WIF1: variants seen among roughly 807,000 people sequenced by gnomAD.
The protein encoded by WIF1 is Wnt inhibitory factor 1.
Under a neutral mutation model 53.5 loss-of-function variants are expected in WIF1, and 35 were observed. That is an observed-to-expected ratio of 0.65 (90% CI 0.50 to 0.87). The LOEUF (loss-of-function observed/expected upper bound fraction) is 0.87, where lower values mean the gene tolerates loss of function less well. Among genes scored for constraint, WIF1 ranks in the 40% least tolerant of loss-of-function variants. WIF1 has a pLI of 0.00. For synonymous variants in WIF1, 171 were observed against 170.4 expected (o/e 1.00, Z -0.03); for missense variants, 467 against 476.8 (o/e 0.98, Z 0.19).
chr12:65,072,493 A>G (rs1882799425), intron 3 of WIF1, among the ~76,000 whole-genome samples: 1 of 152,202 alleles, frequency 6.6e-6, no homozygotes, highest in African/African-American at 2.4e-5. Flanking sequence ...TTGTTTTTGT[A>G]ATCTCAGCAT....
intron 7 of WIF1, among the ~76,000 whole-genome samples, chr12:65,060,526 G>A (rs1487743099): frequency 2.0e-5 from 3 of 152,152 alleles, no homozygotes; most frequent in Non-Finnish European, 4.4e-5. Context: ...TAGCTTAGTG[G>A]TTGCCAGTGT....
rs1882433909 is a variant in WIF1 at position 65,051,148 on chromosome 12, A to C, written c.*201T>G. ...ATCTGTCCCAAAGCACTGAAACAAGAAAATCTATACCATCATGCTACAGAC... is the reference window on the plus strand; with the variant it reads ...ATCTGTCCCAAAGCACTGAAACAAGCAAATCTATACCATCATGCTACAGAC... On this transcript the variant is annotated 3_prime_UTR_variant, in exon 10 of 10. Transcript: ENST00000286574. The C allele has an allele frequency of 1.8e-6, 1 of 557,474 alleles. No homozygotes were observed. Among genetic ancestry groups the C allele is most frequent in the South Asian group, 5.1e-5 (1 of 19,798 alleles). The allele number at this position is 557,474 out of a possible 1,614,324, so 34.5% of individuals were successfully genotyped here. A position where few individuals can be genotyped will look rare whatever the true frequency, so the allele number is the denominator to read the frequency against.
chr12:65,090,306 A>C (rs990192986), intron 2 of WIF1, among the ~76,000 whole-genome samples: 4 of 152,078 alleles, frequency 2.6e-5, no homozygotes, highest in African/African-American at 9.7e-5. Flanking sequence ...TAACTCTACT[A>C]TTTACTAGCT....
At chr12:65,114,220 A>T (rs953735035) in intron 2 of WIF1, among the ~76,000 whole-genome samples, 1 of 152,014 alleles carries the variant, frequency 6.6e-6, no homozygotes, top group African/African-American at 2.4e-5. Context: ...AAAAAAAACC[A>T]CACTTTTAAT....
At position 65,066,721 on chromosome 12, in the gene WIF1, C is replaced by T. The variant is rs201325270; in HGVS notation, c.650G>A (p.Arg217Gln). ...PHCEKALCTP[R>Q]CMNGGLCVTP... is the part of the protein sequence containing the mutation. ...CACACAAAGTCCACCATTCATACATCGTGGGGTACAAAGGGCTTATAGGGA... is the reference window on the plus strand; with the variant it reads ...CACACAAAGTCCACCATTCATACATTGTGGGGTACAAAGGGCTTATAGGGA... The change falls in exon 6 of 10, where the codon CGA (arginine) becomes CAA (glutamine). Residue 217 changes from arginine (R) to glutamine (Q), a missense_variant. By Grantham distance (43) the Arg-to-Gln change is conservative. Coordinates refer to ENST00000286574, the MANE Select transcript of WIF1 (RefSeq NM_007191.5). 43 of 1,608,310 alleles carry T rather than the reference C, an allele frequency of 2.7e-5. No homozygotes were observed. The highest frequency in any genetic ancestry group is 5.5e-5 in the South Asian group (5 of 90,144).
chr12:65,059,048 T>C (rs1399923106), intron 7 of WIF1, among the ~76,000 whole-genome samples: 1 of 147,478 alleles, frequency 6.8e-6, no homozygotes, highest in Non-Finnish European at 1.5e-5. Flanking sequence ...CTAGACTCCA[T>C]CTCAAAAAAA....
At chr12:65,103,066 C>G (rs1283990993) in intron 2 of WIF1, among the ~76,000 whole-genome samples, 1 of 152,180 alleles carries the variant, frequency 6.6e-6, no homozygotes, top group Non-Finnish European at 1.5e-5. Context: ...CATTTATCGA[C>G]TGGGCCCTTA....
At position 65,057,507 on chromosome 12, in the gene WIF1, A is replaced by G. The variant is rs1404113176; in HGVS notation, c.827-1381T>C. 9.9e-5 allele frequency among the ~76,000 whole-genome samples: 15 copies of G among 152,214 alleles called. 1 individual carries two copies. The highest frequency in any genetic ancestry group is 7.9e-4 in the Admixed American group (12 of 15,282). On this transcript the variant is annotated intron_variant, in intron 7 of 9. Coordinates refer to ENST00000286574, the MANE Select transcript of WIF1 (RefSeq NM_007191.5). Reference sequence around the variant, plus strand: ...GTCCTAGTTTTTGAAGAAGTGGAAGATAAGTTACTTTTTACCTAGAGCTGA... The same window carrying G: ...GTCCTAGTTTTTGAAGAAGTGGAAGGTAAGTTACTTTTTACCTAGAGCTGA...
intron 2 of WIF1, among the ~76,000 whole-genome samples, chr12:65,088,324 A>G (rs554981017): frequency 3.9e-5 from 6 of 152,074 alleles, no homozygotes; most frequent in Non-Finnish European, 7.4e-5. Flanking sequence ...CTATATACGA[A>G]TCCTCTCAAC....
chr12:65,096,992 C>A (rs1161865584), intron 2 of WIF1, among the ~76,000 whole-genome samples: 1 of 148,676 alleles, frequency 6.7e-6, no homozygotes, highest in East Asian at 2.0e-4. Flanking sequence ...AACAAACCTG[C>A]ACGTTCTGCA....
intron 2 of WIF1, among the ~76,000 whole-genome samples, chr12:65,085,394 C>A (rs533216941): frequency 1.1e-4 from 17 of 152,244 alleles, no homozygotes; most frequent in African/African-American, 3.1e-4. Flanking sequence ...TGCAATTAGT[C>A]ACATGAAGTC....
chr12:65,079,283 C>T (rs982984400), intron 2 of WIF1, among the ~76,000 whole-genome samples: 1 of 151,632 alleles, frequency 6.6e-6, no homozygotes, highest in African/African-American at 2.4e-5. Context: ...AAATGAACTC[C>T]TTGAGAAACA....
rs1301206828 is a variant in WIF1, at chr12:65,121,223, C to G, written c.-32G>C. ...CAGGACCTCCTCGCTGCCGGGAAAA[C>G]TCCTCGTGCCGCACCTACGCAACCT... On this transcript the variant is annotated 5_prime_UTR_variant, in exon 1 of 10. Transcript: ENST00000286574. 1 of 1,419,822 alleles carries G rather than the reference C, an allele frequency of 7.0e-7. No individual in the cohort carries two copies. The highest frequency in any genetic ancestry group is 2.6e-5 in the Admixed American group (1 of 38,474). The allele number at this position is 1,419,822 out of a possible 1,614,324, so 88.0% of individuals were successfully genotyped here.
chr12:65,063,585 A>G (rs1882645265), intron 6 of WIF1, among the ~76,000 whole-genome samples: 1 of 152,152 alleles, frequency 6.6e-6, no homozygotes, highest in South Asian at 2.1e-4. Context: ...AAAAAAGTCC[A>G]CAAAGCAAAA....
chr12:65,120,590 G>A (rs759102922), intron 1 of WIF1, 34 bp from the exon 2 acceptor site: 1 of 1,591,820 alleles, frequency 6.3e-7, no homozygotes, highest in Non-Finnish European at 8.5e-7. Context: ...ATCAAACCAG[G>A]TAGACTTGAA....
chr12:65,077,892 C>T, intron 2 of WIF1, 38 bp from the exon 3 acceptor site: 1 of 1,504,320 alleles, frequency 6.6e-7, no homozygotes, highest in Non-Finnish European at 9.2e-7. Flanking sequence ...AACATGGAAA[C>T]CAGAGAGGGA....
intron 3 of WIF1, among the ~76,000 whole-genome samples, chr12:65,074,584 G>A (rs958246669): frequency 4.0e-5 from 6 of 151,822 alleles, no homozygotes; most frequent in South Asian, 2.1e-4. Flanking sequence ...TTGGGAGGCC[G>A]AGGCAGGCAG....
chr12:65,118,611 A>G (rs1566319), intron 2 of WIF1, among the ~76,000 whole-genome samples: 24,399 of 152,172 alleles, frequency 0.16, 2,663 homozygotes, highest in African/African-American at 0.3. Flanking sequence ...AGCAACACTT[A>G]AGCAGGAGAA....
chr12:65,051,202 A>G lies in WIF1; in HGVS notation c.*147T>C. On this transcript the variant is annotated 3_prime_UTR_variant, in exon 10 of 10. Coordinates refer to ENST00000286574, the MANE Select transcript of WIF1 (RefSeq NM_007191.5). ...CTTAGAAAACTTAAAAGGAAGAGTA[A>G]ATATCAGCTCAGTGATTTATAATGA... The G allele has an allele frequency of 9.6e-7, 1 of 1,044,338 alleles. No individual in the cohort carries two copies. Among genetic ancestry groups the G allele is most frequent in the Non-Finnish European group, 1.3e-6 (1 of 764,662 alleles). 64.7% of individuals were successfully genotyped at this position (1,044,338 alleles called of 1,614,324 possible).
Sources: allele counts gnomAD v4.1 joint callset (sites outside exome capture counted in the v4.1 genomes callset), GRCh38; gene constraint gnomAD v4.1.1; transcripts MANE v1.5; gene names NCBI Gene and HGNC (gene_info 2026-07-23, HGNC 2026-07-21).